Variants in ACAD8 observed in about 807,000 individuals in gnomAD.
ACAD8 encodes acyl-CoA dehydrogenase family member 8, also known as isobutyryl-CoA dehydrogenase, mitochondrial.
Under a neutral mutation model 53.1 loss-of-function variants are expected in ACAD8, and 47 were observed. The ratio of observed to expected loss-of-function variants is 0.89; its 90% CI spans 0.70 to 1.13. ACAD8 has a LOEUF of 1.13. ACAD8 is among the 50% of genes most tolerant of loss of function. ACAD8 has a pLI of 0.00. For missense variants in ACAD8, 494 were observed against 535.0 expected, an observed-to-expected ratio of 0.92 and a Z score of 0.76; for synonymous variants, 198 against 201.3, an observed-to-expected ratio of 0.98 and a Z score of 0.14.
chr11:134,254,322 C>A (rs1020376054), intron 1 of ACAD8, among the ~76,000 whole-genome samples: 2 of 152,152 alleles, frequency 1.3e-5, no homozygotes, highest in African/African-American at 4.8e-5. Flanking sequence ...TGTTGAAACT[C>A]ATGCAGGAAA....
chr11:134,263,352 C>T (rs1940013377), intron 10 of ACAD8: 1 of 989,546 alleles, frequency 1.0e-6, no homozygotes, highest in Non-Finnish European at 1.2e-6. Context: ...TCTCAAACCT[C>T]AGCCTGTGCT....
chr11:134,253,811 G>A (rs1442307930), intron 1 of ACAD8, 102 bp downstream of exon 1: 2 of 1,241,702 alleles, frequency 1.6e-6, no homozygotes, highest in Non-Finnish European at 2.3e-6. Context: ...TCACCCCGGC[G>A]TCAGCTCCCC....
intron 4 of ACAD8, 177 bp downstream of exon 4, chr11:134,258,801 G>T: frequency 1.4e-6 from 1 of 732,616 alleles, no homozygotes; most frequent in Non-Finnish European, 2.4e-6. Context: ...AGCCTATCTG[G>T]TGTGTTGGGA....
chr11:134,263,719 ACT>A (rs1034983149), intron 10 of ACAD8: 2 of 985,220 alleles, frequency 2.0e-6, no homozygotes, highest in African/African-American at 1.7e-5. Context: ...CTTCATTCTA[ACT>A]CTCTCTCCAC....
chr11:134,256,688 T>C, intron 2 of ACAD8, 40 bp downstream of exon 2: 2 of 1,543,774 alleles, frequency 1.3e-6, no homozygotes, highest in Non-Finnish European at 1.8e-6. Context: ...TAACAACAGA[T>C]GTCTCAGGCA....
Position 134,257,194 on chromosome 11 carries a change from CTG to C in ACAD8, c.319_320del (p.Val107HisfsTer3), listed in dbSNP as rs754869459. On this transcript the variant is annotated frameshift_variant, in exon 3 of 11. Coordinates refer to ENST00000281182, the MANE Select transcript of ACAD8 (RefSeq NM_014384.3). LOFTEE classifies it high-confidence loss of function. The stretch of plus-strand genomic sequence containing the variant: ...TCTGGGCTGTCACGTCTTGATACCT[CTG>C]TCATTTTTGAAGCCTTGGCTACAGG... 5.0e-6 allele frequency: 8 copies of C among 1,614,206 alleles called. No individual in the cohort carries two copies. Among genetic ancestry groups the C allele is most frequent in the South Asian group, 4.4e-5 (4 of 91,090 alleles).
At position 134,259,644 on chromosome 11, in the gene ACAD8, G is replaced by GT; in HGVS notation, c.605dup (p.Val203GlyfsTer19). The GT allele has an allele frequency of 6.2e-7, 1 of 1,614,190 alleles. No homozygotes were observed. Among genetic ancestry groups the GT allele is most frequent in the South Asian group, 1.1e-5 (1 of 91,086 alleles). The stretch of plus-strand genomic sequence containing the variant: ...TGGTGCTGGTGAGTCAGACATCTAT[G>GT]TGGTCATGTGCCGAACAGGAGGACC... On this transcript the variant is annotated frameshift_variant, in exon 6 of 11. Transcript: ENST00000281182. LOFTEE classifies it high-confidence loss of function.
At chr11:134,260,197 G>C (rs1489752132) in intron 6 of ACAD8, 2 of 1,133,098 alleles carry the variant, frequency 1.8e-6, no homozygotes, top group Non-Finnish European at 2.2e-6. Context: ...ACCCAAGAAG[G>C]ACACTTAGGT....
At chr11:134,258,303 G>T in intron 3 of ACAD8, 1 of 606,664 alleles carries the variant, frequency 1.6e-6, no homozygotes, top group Non-Finnish European at 3.0e-6. Flanking sequence ...AAGTACCTCA[G>T]CCTGGTTATC....
In ACAD8 at chr11:134,258,556, A is replaced by G. The variant is rs2136078898; in HGVS notation, c.422A>G (p.Gln141Arg). Reference protein sequence around the residue: ...WMIDSFGNEEQRHKFCPPLCT... With the variant: ...WMIDSFGNEERRHKFCPPLCT... ...ATTGATAGCTTCGGAAATGAGGAAC[A>G]GAGGCACAAATTTTGCCCACCGCTC... The change falls in exon 4 of 11, where the codon CAG (glutamine) becomes CGG (arginine). Residue 141 changes from glutamine to arginine, a missense_variant. Transcript: ENST00000281182. The G allele has an allele frequency of 6.2e-7, 1 of 1,614,024 alleles. No homozygotes were observed. The highest frequency in any genetic ancestry group is 8.5e-7 in the Non-Finnish European group (1 of 1,179,994).
At position 134,261,444 on chromosome 11, in the gene ACAD8, C is replaced by T. The variant is rs1939876882; in HGVS notation, c.939+72C>T. ...GGGACCTGCTCTAGGGCCCACATTT[C>T]CAGGAGAGAAGCCAGGAAATTCCTC... is the stretch of plus-strand genomic sequence containing the variant. On this transcript the variant is annotated intron_variant, in intron 8 of 10. Transcript: ENST00000281182. This position sits in a 1 kb window ranked among gnomAD's most constrained non-coding sequence, Gnocchi z 4.2. The T allele has an allele frequency of 3.2e-6, 5 of 1,569,810 alleles. No homozygotes were observed. The highest frequency in any genetic ancestry group is 4.4e-6 in the Non-Finnish European group (5 of 1,141,106).
At chr11:134,263,125 A>G in intron 10 of ACAD8, 1 of 1,099,570 alleles carries the variant, frequency 9.1e-7, no homozygotes, top group Non-Finnish European at 1.1e-6. Context: ...TGGTAGTCAC[A>G]GACATTCTAT....
rs367999938 is a variant in ACAD8 at position 134,259,055 on chromosome 11, G to A, written c.538G>A (p.Gly180Arg). Residue 180 changes from glycine (G) to arginine (R), a missense_variant, in exon 5 of 11, where the codon GGA becomes AGA. Transcript: ENST00000281182. ...TCTTCTGACCTCCGCTAAGAAACAG[G>A]GAGATCATTACATCCTCAATGGCTC... ...ASLLTSAKKQ[G>R]DHYILNGSKA... 1 of 1,614,140 alleles carries A rather than the reference G, an allele frequency of 6.2e-7. No homozygotes were observed. The highest frequency in any genetic ancestry group is 8.5e-7 in the Non-Finnish European group (1 of 1,180,028).
Position 134,253,572 on chromosome 11 carries a change from T to C in ACAD8, c.-29T>C, listed in dbSNP as rs533296754. On this transcript the variant is annotated 5_prime_UTR_variant, in exon 1 of 11. Transcript: ENST00000281182. ...CAACGGAGGTCGAAGGCGTTCAGAC[T>C]CTTAGCTGAACGCGGAGCTGCGGCG... 1.3e-6 allele frequency: 2 copies of C among 1,554,602 alleles called. No individual in the cohort carries two copies. Among genetic ancestry groups the C allele is most frequent in the Non-Finnish European group, 1.7e-6 (2 of 1,152,256 alleles).
At chr11:134,256,676 TC>T (rs1565371028) in intron 2 of ACAD8, 28 bp downstream of exon 2, 1 of 1,582,484 alleles carries the variant, frequency 6.3e-7, no homozygotes, top group African/African-American at 1.3e-5. Context: ...GCTTAGACGT[TC>T]TAACAACAGA....
rs146994048 is a variant in ACAD8, at chr11:134,263,539, G to A, written c.1195+917G>A. 54 of 985,528 alleles carry A rather than the reference G, an allele frequency of 5.5e-5. No individual in the cohort carries two copies. In the East Asian group the frequency reaches 3.1e-3, roughly 56 times the overall value. 61.0% of individuals were successfully genotyped at this position (985,528 alleles called of 1,614,324 possible). ...CCACCGCTCTGGTGTTAATGTCAGA[G>A]TCACAGGCTACCACAGGTTAGACCG... On this transcript the variant is annotated intron_variant, in intron 10 of 10. Coordinates refer to ENST00000281182, the MANE Select transcript of ACAD8 (RefSeq NM_014384.3).
intron 10 of ACAD8, among the ~76,000 whole-genome samples, chr11:134,264,407 A>G (rs1940075304): frequency 2.0e-5 from 3 of 152,066 alleles, no homozygotes; most frequent in Admixed American, 1.3e-4. Flanking sequence ...GGTCCCAGCT[A>G]CTCAGGAGGC....
intron 6 of ACAD8, 81 bp downstream of exon 6, chr11:134,259,826 A>G: frequency 6.2e-7 from 1 of 1,607,838 alleles, no homozygotes; most frequent in Non-Finnish European, 8.5e-7. Flanking sequence ...TATTTCAGAA[A>G]ACAGGTTTGC....
rs554732254 is a variant in ACAD8 at position 134,255,328 on chromosome 11, G to A, written c.110-1220G>A. 1.4e-4 allele frequency among the ~76,000 whole-genome samples: 22 copies of A among 152,276 alleles called. No homozygotes were observed. In the South Asian group the frequency reaches 4.6e-3, roughly 32 times the overall value. Reference sequence around the variant, plus strand: ...TTTTTATATTTTTAGTAGAGACGGGGTTTCACCATGTTGGACAAGCTGGAC... The same window carrying A: ...TTTTTATATTTTTAGTAGAGACGGGATTTCACCATGTTGGACAAGCTGGAC... On this transcript the variant is annotated intron_variant, in intron 1 of 10. Transcript: ENST00000281182.
Sources: allele counts gnomAD v4.1 joint callset (sites outside exome capture counted in the v4.1 genomes callset), GRCh38; gene constraint gnomAD v4.1.1; non-coding constraint Gnocchi (gnomAD v3.1); transcripts MANE v1.5; gene names NCBI Gene and HGNC (gene_info 2026-07-23, HGNC 2026-07-21).